INPP4B: variants seen among roughly 807,000 people sequenced by gnomAD.
The protein encoded by INPP4B is inositol polyphosphate-4-phosphatase type II B.
INPP4B carries 55 observed loss-of-function variants against 122.5 expected under a neutral mutation model. That is an observed-to-expected ratio of 0.45 (90% CI 0.36 to 0.56). The LOEUF (loss-of-function observed/expected upper bound fraction) is 0.56. Among genes scored for constraint, INPP4B ranks in the 20% least tolerant of loss-of-function variants. The pLI, the probability that INPP4B is intolerant of heterozygous loss-of-function variation, is 0.00. For missense variants in INPP4B, 1,000 were observed against 1,097.7 expected, an observed-to-expected ratio of 0.91 and a Z score of 1.26; for synonymous variants, 403 against 388.7, an observed-to-expected ratio of 1.04 and a Z score of -0.43.
At chr4:142,446,236 A>G (rs1812886953) in intron 3 of INPP4B, among the ~76,000 whole-genome samples, 1 of 151,896 alleles carries the variant, frequency 6.6e-6, no homozygotes, top group Admixed American at 6.6e-5. Flanking sequence ...TGGGAAAAAA[A>G]CTATCAATAT....
chr4:142,469,831 T>C (rs973794086), intron 2 of INPP4B, among the ~76,000 whole-genome samples: 13 of 152,236 alleles, frequency 8.5e-5, no homozygotes, highest in Non-Finnish European at 1.8e-4. Flanking sequence ...TTGATATAAA[T>C]GGGCATAGGA....
intron 2 of INPP4B, among the ~76,000 whole-genome samples, chr4:142,627,099 T>C (rs1451596948): frequency 6.6e-6 from 1 of 152,080 alleles, no homozygotes; most frequent in Non-Finnish European, 1.5e-5. Flanking sequence ...AAAATGACAC[T>C]CTCCAGTCTC....
chr4:142,783,815 T>C (rs1296492277), intron 1 of INPP4B, among the ~76,000 whole-genome samples: 1 of 152,110 alleles, frequency 6.6e-6, no homozygotes, highest in African/African-American at 2.4e-5. Context: ...GTTAAGCACC[T>C]AATGTACTAG....
chr4:142,291,763 G>A (rs2150980037), intron 9 of INPP4B, among the ~76,000 whole-genome samples: 1 of 152,032 alleles, frequency 6.6e-6, no homozygotes, highest in African/African-American at 2.4e-5. Context: ...GACCTATAAG[G>A]TATAAAAAAA....
chr4:142,429,961 G>A (rs981597096), intron 4 of INPP4B, among the ~76,000 whole-genome samples: 6 of 151,972 alleles, frequency 3.9e-5, no homozygotes, highest in Non-Finnish European at 7.4e-5. Context: ...ATGTATGAAC[G>A]GGAGGCCATT....
intron 11 of INPP4B, among the ~76,000 whole-genome samples, chr4:142,256,577 C>T (rs935620321): frequency 7.9e-5 from 12 of 152,134 alleles, no homozygotes; most frequent in African/African-American, 2.7e-4. Context: ...CTACAAACAC[C>T]TCTACGCAAA....
At chr4:142,655,853 T>C (rs1392755309) in intron 2 of INPP4B, among the ~76,000 whole-genome samples, 2 of 152,248 alleles carry the variant, frequency 1.3e-5, no homozygotes, top group Admixed American at 6.5e-5. Context: ...TCTTGCATTT[T>C]TGTTGGTTTT....
At chr4:142,221,066 G>C (rs992554984) in intron 12 of INPP4B, among the ~76,000 whole-genome samples, 1 of 152,070 alleles carries the variant, frequency 6.6e-6, no homozygotes, top group African/African-American at 2.4e-5. Context: ...CAGAGCTCAT[G>C]CTTTAAACTG....
At chr4:142,831,009 G>A (rs1188545768) in intron 1 of INPP4B, among the ~76,000 whole-genome samples, 4 of 151,698 alleles carry the variant, frequency 2.6e-5, no homozygotes, top group Non-Finnish European at 5.9e-5. Context: ...GTGACAGAGT[G>A]AGACCCTGTC....
intron 11 of INPP4B, among the ~76,000 whole-genome samples, chr4:142,253,457 T>C (rs1733587727): frequency 6.6e-6 from 1 of 152,210 alleles, no homozygotes; most frequent in Admixed American, 6.5e-5. Flanking sequence ...TTCATCTCAC[T>C]AGGGAGTGCC....
chr4:142,774,593 T>C lies in INPP4B; in HGVS notation c.-253-48692A>G, dbSNP rs78051387. ...CACCTACAACAACTTCATAAACACT[T>C]ATTTGATTATAAGTACTTCATCAAT... On this transcript the variant is annotated intron_variant, in intron 1 of 25. Transcript: ENST00000262992. Among the ~76,000 whole-genome samples the C allele has an allele frequency of 5.3e-3, 805 of 152,216 alleles. 24 individuals are homozygous for C. Among genetic ancestry groups the C allele is most frequent in the African/African-American group, 0.018 (767 of 41,486 alleles).
intron 8 of INPP4B, among the ~76,000 whole-genome samples, chr4:142,312,261 T>C (rs917118505): frequency 2.0e-5 from 3 of 152,186 alleles, no homozygotes; most frequent in Non-Finnish European, 4.4e-5. Context: ...GGTCTATAAG[T>C]AGCCACAATA....
intron 2 of INPP4B, among the ~76,000 whole-genome samples, chr4:142,563,847 C>T (rs1282424031): frequency 6.6e-6 from 1 of 152,198 alleles, no homozygotes; most frequent in African/African-American, 2.4e-5. Flanking sequence ...AGTCATGGCA[C>T]AGCTATGGCT....
In INPP4B at chr4:142,366,285, C is replaced by T. The variant is rs142853990; in HGVS notation, c.372+36653G>A. On this transcript the variant is annotated intron_variant, in intron 7 of 25. Coordinates refer to ENST00000262992, the MANE Select transcript of INPP4B (RefSeq NM_001101669.3). The stretch of plus-strand genomic sequence containing the variant: ...CACCACCCTTTGCTGACTCCTTTTT[C>T]GGACTCAGCCGGCCTGCACCCAGGT... Among the ~76,000 whole-genome samples, 1,113 of 151,606 alleles carry T rather than the reference C, an allele frequency of 7.3e-3. 10 individuals carry two copies. The highest frequency in any genetic ancestry group is 0.01 in the Non-Finnish European group (686 of 67,874).
chr4:142,042,547 TATGTATGTATG>T, intron 25 of INPP4B, among the ~76,000 whole-genome samples: 1 of 30,876 alleles, frequency 3.2e-5, no homozygotes, highest in African/African-American at 5.8e-5. Context: ...TGTATGTATG[TATGTATGTATG>T]TATTTATTTA....
intron 1 of INPP4B, among the ~76,000 whole-genome samples, chr4:142,822,022 T>C (rs1485194231): frequency 2.0e-5 from 3 of 152,152 alleles, no homozygotes; most frequent in African/African-American, 4.8e-5. Context: ...CATTCCCACA[T>C]ATGGAAGAAG....
chr4:142,810,931 G>A (rs1376721527), intron 1 of INPP4B, among the ~76,000 whole-genome samples: 2 of 152,120 alleles, frequency 1.3e-5, no homozygotes, highest in African/African-American at 2.4e-5. Context: ...ATTTCTTCTT[G>A]TTTTTAACAA....
chr4:142,116,419 A>G lies in INPP4B; in HGVS notation c.2136-3737T>C, dbSNP rs144801680. ...TTGACCACATAGTTGGAGGTAAAGCACTCCTTGGCAAATGTAAAAGAACAG... is the reference window on the plus strand; with the variant it reads ...TTGACCACATAGTTGGAGGTAAAGCGCTCCTTGGCAAATGTAAAAGAACAG... On this transcript the variant is annotated intron_variant, in intron 21 of 25. Transcript: ENST00000262992. 8.0e-3 allele frequency among the ~76,000 whole-genome samples: 1,211 copies of G among 152,192 alleles called. 17 individuals are homozygous for G. The highest frequency in any genetic ancestry group is 0.027 in the African/African-American group (1,118 of 41,530).
intron 7 of INPP4B, among the ~76,000 whole-genome samples, chr4:142,340,897 A>C (rs1229871352): frequency 1.3e-5 from 2 of 152,202 alleles, no homozygotes; most frequent in African/African-American, 4.8e-5. Context: ...TGGAGAAAAA[A>C]AACTGTAGAT....
Sources: gnomAD v4.1 joint callset for allele counts (sites outside exome capture counted in the v4.1 genomes callset) on GRCh38, gnomAD v4.1.1 for gene constraint, MANE v1.5 for transcripts, NCBI Gene and HGNC (gene_info 2026-07-23, HGNC 2026-07-21) for gene names.